MED12L: variants seen among roughly 807,000 people sequenced by gnomAD.
The protein encoded by MED12L is mediator complex subunit 12L.
In MED12L, 60 loss-of-function variants were observed where a neutral mutation model predicts 281.3. The observed-to-expected ratio is 0.21, with a 90% CI of 0.17 to 0.26. MED12L has a LOEUF of 0.26. Among genes scored for constraint, MED12L ranks in the 10% least tolerant of loss-of-function variants. The pLI, the probability that MED12L is intolerant of heterozygous loss-of-function variation, is 1.00. For missense variants in MED12L, 2,146 were observed against 2,680.9 expected (o/e 0.80, Z 4.41); for synonymous variants, 974 against 987.2 (o/e 0.99, Z 0.25).
intron 8 of MED12L, among the ~76,000 whole-genome samples, chr3:151,160,506 G>A (rs945062275): frequency 5.3e-5 from 8 of 152,244 alleles, no homozygotes; most frequent in East Asian, 1.9e-4. Flanking sequence ...GGTTCCGTTC[G>A]TCTTCCAAGC....
chr3:151,395,725 C>G (rs887342366), intron 39 of MED12L, among the ~76,000 whole-genome samples: 1 of 152,202 alleles, frequency 6.6e-6, no homozygotes, highest in African/African-American at 2.4e-5. Flanking sequence ...CAGGGTAACT[C>G]TATGAGTTAG....
At chr3:151,329,104 A>G (rs1750051825) in intron 16 of MED12L, 1 of 810,098 alleles carries the variant, frequency 1.2e-6, no homozygotes, top group Non-Finnish European at 1.9e-6. Flanking sequence ...TGTTTATAGC[A>G]TATTAACATC....
At chr3:151,143,850 T>C (rs1359976196) in intron 5 of MED12L, among the ~76,000 whole-genome samples, 1 of 152,228 alleles carries the variant, frequency 6.6e-6, no homozygotes, top group Non-Finnish European at 1.5e-5. Context: ...TGTAGAAGGC[T>C]GTGGGGATAT....
chr3:151,152,085 G>GTTTTTTTTTTTT lies in MED12L; in HGVS notation c.557-4056_557-4045dup, dbSNP rs141353889. On this transcript the variant is annotated intron_variant, in intron 5 of 44. Transcript: ENST00000687756. The stretch of plus-strand genomic sequence containing the variant: ...AAGAATTGTGGATCAGTTGAAGGTG[G>GTTTTTTTTTTTT]TTTTTTTTTTTTTTTTTTTTTTTTT... Among the ~76,000 whole-genome samples the GTTTTTTTTTTTT allele has an allele frequency of 4.6e-4, 29 of 63,018 alleles. 3 individuals are homozygous for GTTTTTTTTTTTT. Among genetic ancestry groups the GTTTTTTTTTTTT allele is most frequent in the African/African-American group, 1.7e-3 (28 of 16,008 alleles). The allele number at this position is 63,018 out of a possible 152,430, so 41.3% of individuals were successfully genotyped here. A position where few individuals can be genotyped will look rare whatever the true frequency, so the allele number is the denominator to read the frequency against.
chr3:151,435,296 C>CTTGT lies in MED12L; in HGVS notation c.*2495_*2498dup, dbSNP rs1720020086. The stretch of plus-strand genomic sequence containing the variant: ...TGGATATAAGAAGCCCATAGACTCT[C>CTTGT]TTGTTTACACTGTAGGCTTTTTCTT... On this transcript the variant is annotated 3_prime_UTR_variant, in exon 45 of 45. Transcript: ENST00000687756. 1.3e-5 allele frequency: 2 copies of CTTGT among 152,030 alleles called. No homozygotes were observed. The highest frequency in any genetic ancestry group is 2.9e-5 in the Non-Finnish European group (2 of 68,002). 9.4% of individuals were successfully genotyped at this position (152,030 alleles called of 1,614,324 possible).
intron 2 of MED12L, among the ~76,000 whole-genome samples, chr3:151,089,111 A>C (rs1244486880): frequency 1.3e-5 from 2 of 152,152 alleles, no homozygotes; most frequent in African/African-American, 4.8e-5. Context: ...AGTTTTCTTT[A>C]AACTAATTTT....
At chr3:151,325,515 T>A (rs1002905959) in intron 16 of MED12L, among the ~76,000 whole-genome samples, 4 of 152,186 alleles carry the variant, frequency 2.6e-5, no homozygotes, top group African/African-American at 9.7e-5. Flanking sequence ...ATTGCTAGTT[T>A]AGGAAGTTCT....
chr3:151,166,419 AC>A (rs1404217327), intron 11 of MED12L, among the ~76,000 whole-genome samples: 2 of 152,080 alleles, frequency 1.3e-5, no homozygotes, highest in East Asian at 3.8e-4. Context: ...GAGAAATAGA[AC>A]CAATAGAAAA....
rs759814649 is a variant in MED12L at position 151,376,189 on chromosome 3, G to A, written c.4028G>A (p.Arg1343Lys). The change falls in exon 28 of 45, where the codon AGA becomes AAA. Residue 1343 changes from arginine to lysine, a missense_variant. Physicochemically the swap from Arg to Lys is conservative, Grantham distance 26. Transcript: ENST00000687756. ...TGTACCGAGGGGGACAATCTGCAAA[G>A]ACAGCACATTAAGCGTATTCTTCAG... Reference protein sequence around the residue: ...KECTEGDNLQRQHIKRILQNL... With the variant: ...KECTEGDNLQKQHIKRILQNL... 28 of 1,594,836 alleles carry A rather than the reference G, an allele frequency of 1.8e-5. No individual in the cohort carries two copies. The South Asian group carries it at 3.2e-4, about 18-fold the overall frequency.
chr3:151,261,682 G>A (rs1163628353), intron 16 of MED12L, among the ~76,000 whole-genome samples: 2 of 120,864 alleles, frequency 1.7e-5, no homozygotes, highest in African/African-American at 6.4e-5. Context: ...CCAGTGGTAC[G>A]TGGTGTTTTG....
chr3:151,129,667 C>G (rs544923290), intron 5 of MED12L, among the ~76,000 whole-genome samples: 23 of 152,024 alleles, frequency 1.5e-4, no homozygotes, highest in Admixed American at 2.0e-4. Flanking sequence ...TTCATTCATT[C>G]AGCAAAGTTC....
chr3:151,306,493 C>T (rs552481370), intron 16 of MED12L, among the ~76,000 whole-genome samples: 1 of 152,284 alleles, frequency 6.6e-6, no homozygotes, highest in South Asian at 2.1e-4. Flanking sequence ...GGGACTTGAC[C>T]CCAGTTGTGT....
chr3:151,225,516 A>G (rs908803197), intron 16 of MED12L, among the ~76,000 whole-genome samples: 1 of 152,314 alleles, frequency 6.6e-6, no homozygotes, highest in Non-Finnish European at 1.5e-5. Context: ...CTTTGCTATC[A>G]TGATCTAATC....
intron 16 of MED12L, among the ~76,000 whole-genome samples, chr3:151,243,012 A>G (rs1283275160): frequency 6.6e-6 from 1 of 151,854 alleles, no homozygotes; most frequent in Non-Finnish European, 1.5e-5. Context: ...AAGAAAGGGT[A>G]TCAGCGATGG....
intron 16 of MED12L, among the ~76,000 whole-genome samples, chr3:151,247,792 G>C (rs60449267): frequency 0.026 from 3,906 of 151,036 alleles, 155 homozygotes; most frequent in African/African-American, 0.091. Flanking sequence ...AAATGAATTA[G>C]GACTTAAGAA....
At chr3:151,302,132 G>A (rs1313874601) in intron 16 of MED12L, among the ~76,000 whole-genome samples, 34 of 152,210 alleles carry the variant, frequency 2.2e-4, no homozygotes, top group Admixed American at 2.2e-3. Flanking sequence ...AAAGAAGCCA[G>A]ATACCTAAAG....
intron 44 of MED12L, among the ~76,000 whole-genome samples, chr3:151,431,316 A>G (rs1013940684): frequency 6.6e-6 from 1 of 152,184 alleles, no homozygotes; most frequent in Non-Finnish European, 1.5e-5. Flanking sequence ...CTGCTGAGAC[A>G]TAAGGAAACA....
At position 151,159,865 on chromosome 3, in the gene MED12L, T is replaced by C. The variant is rs201440960; in HGVS notation, c.871T>C (p.Ser291Pro). 1 of 1,614,230 alleles carries C rather than the reference T, an allele frequency of 6.2e-7. No homozygotes were observed. Among genetic ancestry groups the C allele is most frequent in the African/African-American group, 1.3e-5 (1 of 75,066 alleles). ...SDEFVQSAYL[S>P]RRLAYFCARR... Reference sequence around the variant, plus strand: ...TGAGTTTGTTCAGTCGGCCTACCTGTCTCGTCGTCTTGCCTACTTTTGTGC... The same window carrying C: ...TGAGTTTGTTCAGTCGGCCTACCTGCCTCGTCGTCTTGCCTACTTTTGTGC... Residue 291 changes from serine (S) to proline (P), a missense_variant, in exon 8 of 45, where the codon TCT becomes CCT. Around this residue, in one of 9 missense-constraint regions of MED12L, gnomAD observed 722 missense variants for 861.2 expected, o/e 0.84. Coordinates refer to ENST00000687756, the MANE Select transcript of MED12L (RefSeq NM_001393769.1).
intron 4 of MED12L, among the ~76,000 whole-genome samples, chr3:151,123,480 T>C (rs2148779739): frequency 6.6e-6 from 1 of 152,276 alleles, no homozygotes; most frequent in South Asian, 2.1e-4. Flanking sequence ...AGCTTCTAGC[T>C]TTTTTTATAG....
Sources: gnomAD v4.1 joint callset for allele counts (sites outside exome capture counted in the v4.1 genomes callset) on GRCh38, gnomAD v4.1.1 for gene constraint, gnomAD v4.1.1 regional missense constraint, MANE v1.5 for transcripts, NCBI Gene and HGNC (gene_info 2026-07-23, HGNC 2026-07-21) for gene names.